RALYL: variants seen among roughly 807,000 people sequenced by gnomAD.
The protein encoded by RALYL is RALY RNA binding protein like, also known as RNA-binding Raly-like protein.
Under a neutral mutation model 35.1 loss-of-function variants are expected in RALYL, and 29 were observed. The ratio of observed to expected loss-of-function variants is 0.83; its 90% CI spans 0.61 to 1.13. The LOEUF is 1.13. RALYL is among the 50% of genes most tolerant of loss of function. RALYL has a pLI of 0.00. For missense variants in RALYL, 359 were observed against 360.4 expected, an observed-to-expected ratio of 1.00 and a Z score of 0.03; for synonymous variants, 120 against 127.6, an observed-to-expected ratio of 0.94 and a Z score of 0.40.
intron 1 of RALYL, among the ~76,000 whole-genome samples, chr8:84,314,599 G>A (rs969626203): frequency 6.6e-6 from 1 of 152,046 alleles, no homozygotes; most frequent in Non-Finnish European, 1.5e-5. Context: ...TGTGGCACAT[G>A]CCTATAGTCC....
At chr8:84,803,929 C>T (rs1430193948) in intron 3 of RALYL, among the ~76,000 whole-genome samples, 1 of 152,196 alleles carries the variant, frequency 6.6e-6, no homozygotes, top group Non-Finnish European at 1.5e-5. Flanking sequence ...GCCTACATTT[C>T]ACCCTTAATT....
chr8:84,774,367 A>G (rs769219504), intron 2 of RALYL, among the ~76,000 whole-genome samples: 13 of 152,214 alleles, frequency 8.5e-5, no homozygotes, highest in Non-Finnish European at 1.8e-4. Flanking sequence ...TGTAAGTTCC[A>G]CAAGGGCAGA....
At chr8:84,758,268 G>T (rs1811900475) in intron 2 of RALYL, among the ~76,000 whole-genome samples, 1 of 152,158 alleles carries the variant, frequency 6.6e-6, no homozygotes, top group African/African-American at 2.4e-5. Context: ...TTATTTGGTG[G>T]AAAGGAGTAA....
chr8:84,214,728 A>T (rs1820362910), intron 1 of RALYL, among the ~76,000 whole-genome samples: 1 of 152,120 alleles, frequency 6.6e-6, no homozygotes, highest in Admixed American at 6.6e-5. Context: ...TCATGTTACC[A>T]GTGTCTGTTA....
chr8:84,581,401 T>A (rs941894958), intron 2 of RALYL, among the ~76,000 whole-genome samples: 4 of 152,200 alleles, frequency 2.6e-5, no homozygotes, highest in Non-Finnish European at 5.9e-5. Context: ...AAATATTGAC[T>A]GTACTCAGAG....
intron 1 of RALYL, among the ~76,000 whole-genome samples, chr8:84,394,036 G>C (rs1004132233): frequency 6.6e-6 from 1 of 151,962 alleles, no homozygotes; most frequent in Non-Finnish European, 1.5e-5. Context: ...TCCTCACCCT[G>C]CCTTTAATTT....
rs144621190 is a variant in RALYL at position 84,811,940 on chromosome 8, G to T, written c.365+7138G>T. ...TTTGGACTTCCTTGCATTGGGCTTT[G>T]CCTTTCTCTGGTGCCTCCCTGATTA... On this transcript the variant is annotated intron_variant, in intron 4 of 8. Coordinates refer to ENST00000521268, the MANE Select transcript of RALYL (RefSeq NM_173848.7). 1.5e-3 allele frequency among the ~76,000 whole-genome samples: 227 copies of T among 152,134 alleles called. 2 individuals are homozygous for T. Among genetic ancestry groups the T allele is most frequent in the Non-Finnish European group, 1.8e-4 (12 of 67,992 alleles).
At chr8:84,894,829 TC>T (rs1844457883) in intron 8 of RALYL, among the ~76,000 whole-genome samples, 1 of 152,218 alleles carries the variant, frequency 6.6e-6, no homozygotes, top group Non-Finnish European at 1.5e-5. Context: ...GTTAACGAAC[TC>T]TGCCATTAAG....
intron 1 of RALYL, among the ~76,000 whole-genome samples, chr8:84,324,147 C>T (rs942103687): frequency 6.6e-6 from 1 of 152,016 alleles, no homozygotes; most frequent in South Asian, 2.1e-4. Flanking sequence ...TAGAAGGTCT[C>T]TTTATTTTCA....
intron 2 of RALYL, among the ~76,000 whole-genome samples, chr8:84,650,643 C>A (rs1465349899): frequency 3.3e-5 from 5 of 151,988 alleles, no homozygotes. Flanking sequence ...ACTAGTTCAA[C>A]CCTTGTGGAA....
intron 1 of RALYL, among the ~76,000 whole-genome samples, chr8:84,395,902 C>T (rs868502536): frequency 4.0e-5 from 6 of 151,814 alleles, no homozygotes; most frequent in Admixed American, 6.6e-5. Flanking sequence ...ATAAGTCACT[C>T]GTTAAAATGG....
chr8:84,532,178 C>G (rs373170608), intron 2 of RALYL, among the ~76,000 whole-genome samples: 8 of 152,144 alleles, frequency 5.3e-5, no homozygotes, highest in African/African-American at 1.9e-4. Context: ...ATTTATCTAA[C>G]AACTTTGCTT....
At chr8:84,305,797 G>A (rs946161079) in intron 1 of RALYL, among the ~76,000 whole-genome samples, 2 of 152,120 alleles carry the variant, frequency 1.3e-5, no homozygotes, top group African/African-American at 4.8e-5. Flanking sequence ...AAAACCAGTG[G>A]GATGATTTGG....
intron 2 of RALYL, among the ~76,000 whole-genome samples, chr8:84,694,582 T>C (rs746776006): frequency 6.6e-6 from 1 of 151,792 alleles, no homozygotes; most frequent in Non-Finnish European, 1.5e-5. Context: ...AATGACATTC[T>C]CCACAGAAAT....
chr8:84,198,436 C>T (rs1815965202), intron 1 of RALYL, among the ~76,000 whole-genome samples: 1 of 152,016 alleles, frequency 6.6e-6, no homozygotes, highest in African/African-American at 2.4e-5. Context: ...TTGATACAGG[C>T]CGGCAATGCA....
intron 1 of RALYL, among the ~76,000 whole-genome samples, chr8:84,254,417 T>C (rs953450256): frequency 2.0e-5 from 3 of 152,114 alleles, no homozygotes; most frequent in Non-Finnish European, 4.4e-5. Flanking sequence ...GATGAAATTT[T>C]GTCTCCTTGG....
intron 1 of RALYL, among the ~76,000 whole-genome samples, chr8:84,526,383 T>C (rs1458417217): frequency 6.6e-6 from 1 of 152,182 alleles, no homozygotes; most frequent in East Asian, 1.9e-4. Flanking sequence ...CCTTTACCTA[T>C]TGGAATCTTT....
chr8:84,753,548 TG>T (rs1288179550), intron 2 of RALYL, among the ~76,000 whole-genome samples: 2 of 152,164 alleles, frequency 1.3e-5, no homozygotes, highest in African/African-American at 4.8e-5. Flanking sequence ...GTGTTAGAGA[TG>T]GGGCCTGGTG....
intron 2 of RALYL, among the ~76,000 whole-genome samples, chr8:84,726,923 G>A (rs1334124163): frequency 6.6e-6 from 1 of 152,046 alleles, no homozygotes; most frequent in African/African-American, 2.4e-5. Context: ...AAATGCCTTT[G>A]CAGCCCTCAG....
Sources: allele counts gnomAD v4.1 joint callset (sites outside exome capture counted in the v4.1 genomes callset), GRCh38; gene constraint gnomAD v4.1.1; transcripts MANE v1.5; gene names NCBI Gene and HGNC (gene_info 2026-07-23, HGNC 2026-07-21).